The following MRPS17 variants were observed in gnomAD, a reference collection of about 807,000 sequenced individuals.
MRPS17 encodes the protein mitochondrial ribosomal protein S17, also known as small ribosomal subunit protein uS17m.
In MRPS17, 6 loss-of-function variants were observed where a neutral mutation model predicts 11.3. The ratio of observed to expected loss-of-function variants is 0.53; its 90% CI spans 0.29 to 1.05. MRPS17 has a LOEUF of 1.05. Among genes scored for constraint, MRPS17 ranks in the 50% least tolerant of loss-of-function variants. The probability of loss-of-function intolerance (pLI) is 0.08; values close to 1 mark genes in which losing one functional copy is unlikely to be tolerated. For synonymous variants in MRPS17, 56 were observed against 60.4 expected (o/e 0.93, Z 0.34); for missense variants, 139 against 153.6 (o/e 0.90, Z 0.50).
Position 55,956,199 on chromosome 7 carries a change from C to T in MRPS17, c.*1021C>T, listed in dbSNP as rs901775437. 1 of 151,858 alleles carries T rather than the reference C, an allele frequency of 6.6e-6. No homozygotes were observed. The highest frequency in any genetic ancestry group is 1.5e-5 in the Non-Finnish European group (1 of 67,996). 9.4% of individuals were successfully genotyped at this position (151,858 alleles called of 1,614,324 possible). ...GTGCAATGGCATGATCTCAGCCCACCACGACCTCCGCCTCCCAGGTTCAAG... is the reference window on the plus strand; with the variant it reads ...GTGCAATGGCATGATCTCAGCCCACTACGACCTCCGCCTCCCAGGTTCAAG... On this transcript the variant is annotated 3_prime_UTR_variant, in exon 3 of 3. Transcript: ENST00000285298.
rs1786717498 is a variant in MRPS17, at chr7:55,955,667, T to G, written c.*489T>G. ...TTTCACCGTGTTAGCCAGGATGGTC[T>G]TGATCTCCTGACCTCGTGATCTGCC... On this transcript the variant is annotated 3_prime_UTR_variant, in exon 3 of 3. Transcript: ENST00000285298. 1 of 158,092 alleles carries G rather than the reference T, an allele frequency of 6.3e-6. No homozygotes were observed. The allele number at this position is 158,092 out of a possible 1,614,324, so 9.8% of individuals were successfully genotyped here.
Position 55,953,163 on chromosome 7 carries a change from G to T in MRPS17, c.-17-16G>T. On this transcript the variant is annotated splice_polypyrimidine_tract_variant and intron_variant, in intron 1 of 2. Transcript: ENST00000285298. ...CATAACCACCAGAATATGAGACTTT[G>T]GAATTTGCTTTTCAGGTGACCAAAG... 1 of 1,613,568 alleles carries T rather than the reference G, an allele frequency of 6.2e-7. No homozygotes were observed. Among genetic ancestry groups the T allele is most frequent in the Non-Finnish European group, 8.5e-7 (1 of 1,179,790 alleles).
At chr7:55,953,048 A>G in intron 1 of MRPS17, 131 bp from the exon 2 acceptor site, 1 of 1,051,130 alleles carries the variant, frequency 9.5e-7, no homozygotes, top group Non-Finnish European at 1.4e-6. Context: ...AACAAAACAA[A>G]ACTGTTTCTG....
In MRPS17 at chr7:55,955,176, T is replaced by C; in HGVS notation, c.391T>C (p.Ter131ArgextTer8). The change falls in exon 3 of 3, where the codon TGA (stop) becomes CGA (arginine). Residue 131 changes from the stop codon to arginine (R), a stop_lost. Coordinates refer to ENST00000285298, the MANE Select transcript of MRPS17 (RefSeq NM_015969.3). ...AGAACTCAATATCTCTTCAGCACAG[T>C]GAAGCGGGAGTGGAAGAAGGATCTA... ...LEELNISSAQ[*>R] The C allele has an allele frequency of 6.2e-7, 1 of 1,610,516 alleles. No individual in the cohort carries two copies. Among genetic ancestry groups the C allele is most frequent in the Non-Finnish European group, 8.5e-7 (1 of 1,177,592 alleles).
chr7:55,956,153 A>C lies in MRPS17; in HGVS notation c.*975A>C. On this transcript the variant is annotated 3_prime_UTR_variant, in exon 3 of 3. Coordinates refer to ENST00000285298, the MANE Select transcript of MRPS17 (RefSeq NM_015969.3). ...TTTTTTTTTTTTGAGCTGGAGTTTC[A>C]CTCTTGTTGCCCAGGCTGGAGTGCA... 2 of 144,536 alleles carry C rather than the reference A, an allele frequency of 1.4e-5. No homozygotes were observed. Among genetic ancestry groups the C allele is most frequent in the African/African-American group, 2.6e-5 (1 of 38,774 alleles). 9.0% of individuals were successfully genotyped at this position (144,536 alleles called of 1,614,324 possible). A position where few individuals can be genotyped will look rare whatever the true frequency, so the allele number is the denominator to read the frequency against.
intron 1 of MRPS17, 80 bp from the exon 2 acceptor site, chr7:55,953,099 C>A: frequency 6.8e-7 from 1 of 1,475,188 alleles, no homozygotes; most frequent in Non-Finnish European, 9.2e-7. Context: ...TGTTTCTGGA[C>A]TAACCTGGAC....
rs929762476 is a variant in MRPS17 at position 55,955,704 on chromosome 7, C to T, written c.*526C>T. 4 of 155,530 alleles carry T rather than the reference C, an allele frequency of 2.6e-5. No homozygotes were observed. The highest frequency in any genetic ancestry group is 9.7e-5 in the African/African-American group (4 of 41,276). The allele number at this position is 155,530 out of a possible 1,614,324, so 9.6% of individuals were successfully genotyped here. ...CCTCGTGATCTGCCTGCCTTGGCCT[C>T]TCAGAGTGCTGGGATTACAGGCGTG... On this transcript the variant is annotated 3_prime_UTR_variant, in exon 3 of 3. Transcript: ENST00000285298.
intron 2 of MRPS17, among the ~76,000 whole-genome samples, chr7:55,954,534 C>G (rs1786699326): frequency 6.6e-6 from 1 of 152,140 alleles, no homozygotes; most frequent in Non-Finnish European, 1.5e-5. Flanking sequence ...TCAGGACCAG[C>G]CTGGCCAACA....
At chr7:55,953,739 T>C (rs1786684871) in intron 2 of MRPS17, among the ~76,000 whole-genome samples, 1 of 152,170 alleles carries the variant, frequency 6.6e-6, no homozygotes, top group Admixed American at 6.6e-5. Flanking sequence ...GGAGAATCTC[T>C]TGAAGCCGGG....
At chr7:55,953,891 G>A (rs930057563) in intron 2 of MRPS17, among the ~76,000 whole-genome samples, 1 of 152,164 alleles carries the variant, frequency 6.6e-6, no homozygotes, top group Non-Finnish European at 1.5e-5. Flanking sequence ...ACAGGAGGTG[G>A]AGCGCAGGCG....
At chr7:55,952,236 G>C (rs1368536372) in intron 1 of MRPS17, 2 of 152,332 alleles carry the variant, frequency 1.3e-5, no homozygotes, top group African/African-American at 4.8e-5. Flanking sequence ...CAGCGGGGTG[G>C]AGAGAGATAA....
chr7:55,954,499 A>C (rs1221720451), intron 2 of MRPS17, among the ~76,000 whole-genome samples: 1 of 152,172 alleles, frequency 6.6e-6, no homozygotes, highest in Non-Finnish European at 1.5e-5. Flanking sequence ...AGGCCGAGGC[A>C]GGTGGATCAC....
intron 1 of MRPS17, 39 bp downstream of exon 1, chr7:55,951,969 A>G (rs10260031): frequency 0.82 from 125,110 of 152,462 alleles, 51,869 homozygotes; most frequent in African/African-American, 0.95. Context: ...GCTCCGGGGT[A>G]TTGCTGCCGG....
At position 55,953,031 on chromosome 7, in the gene MRPS17, A is replaced by G. The variant is rs577288651; in HGVS notation, c.-17-148A>G. ...TGGGCGACAGAGAGAGACTACATCT[A>G]AAAAAAAACAAAACAAAACTGTTTC... On this transcript the variant is annotated intron_variant, in intron 1 of 2. Transcript: ENST00000285298. 4.0e-5 allele frequency: 35 copies of G among 869,958 alleles called. No individual in the cohort carries two copies. In the African/African-American group the frequency reaches 5.4e-4, roughly 13 times the overall value. 53.9% of individuals were successfully genotyped at this position (869,958 alleles called of 1,614,324 possible).
At chr7:55,953,732 G>T (rs1386672479) in intron 2 of MRPS17, among the ~76,000 whole-genome samples, 4 of 152,210 alleles carry the variant, frequency 2.6e-5, no homozygotes, top group African/African-American at 9.7e-5. Flanking sequence ...TGAGGCAGGA[G>T]AATCTCTTGA....
chr7:55,952,925 G>A (rs989796377), intron 1 of MRPS17, among the ~76,000 whole-genome samples: 3 of 151,718 alleles, frequency 2.0e-5, no homozygotes, highest in Admixed American at 6.6e-5. Flanking sequence ...CCAGCTGCTC[G>A]GGAGGCTGAG....
rs1292998027 is a variant in MRPS17 at position 55,955,488 on chromosome 7, C to T, written c.*310C>T. 3.4e-6 allele frequency: 1 copy of T among 290,090 alleles called. No individual in the cohort carries two copies. Among genetic ancestry groups the T allele is most frequent in the African/African-American group, 2.2e-5 (1 of 44,588 alleles). 18.0% of individuals were successfully genotyped at this position (290,090 alleles called of 1,614,324 possible). On this transcript the variant is annotated 3_prime_UTR_variant, in exon 3 of 3. Transcript: ENST00000285298. Reference sequence around the variant, plus strand: ...TCACTCTGTCACCCAGGCTGGAGTGCAGTGGTGCAATCTTGGCTCACTGCA... The same window carrying T: ...TCACTCTGTCACCCAGGCTGGAGTGTAGTGGTGCAATCTTGGCTCACTGCA...
rs13227582 is a variant in MRPS17, at chr7:55,954,628, G to C, written c.124-281G>C. Among the ~76,000 whole-genome samples, 66,702 of 151,964 alleles carry C rather than the reference G, an allele frequency of 0.44. 15,000 individuals are homozygous for C. Among genetic ancestry groups the C allele is most frequent in the East Asian group, 0.58 (2,951 of 5,128 alleles). On this transcript the variant is annotated intron_variant, in intron 2 of 2. Coordinates refer to ENST00000285298, the MANE Select transcript of MRPS17 (RefSeq NM_015969.3). Reference sequence around the variant, plus strand: ...GGCACCTGTAATTCCAGCTACTTGGGAGGCTGAGGCAGGAGAATCTCATGA... The same window carrying C: ...GGCACCTGTAATTCCAGCTACTTGGCAGGCTGAGGCAGGAGAATCTCATGA...
At chr7:55,953,588 G>A (rs1040053122) in intron 2 of MRPS17, among the ~76,000 whole-genome samples, 15 of 152,294 alleles carry the variant, frequency 9.8e-5, no homozygotes, top group African/African-American at 3.1e-4. Flanking sequence ...TTGGGAGGCC[G>A]ATGCGGTTGG....
Sources: gnomAD v4.1 joint callset for allele counts (sites outside exome capture counted in the v4.1 genomes callset) on GRCh38, gnomAD v4.1.1 for gene constraint, MANE v1.5 for transcripts, NCBI Gene and HGNC (gene_info 2026-07-23, HGNC 2026-07-21) for gene names.